Variants in SENP6 observed in about 807,000 individuals in gnomAD.
The protein encoded by SENP6 is sentrin-specific protease 6.
Under a neutral mutation model 134.5 loss-of-function variants are expected in SENP6, and 41 were observed. The ratio of observed to expected loss-of-function variants is 0.30; its 90% CI spans 0.24 to 0.40. The LOEUF (loss-of-function observed/expected upper bound fraction) is 0.40, where lower values mean the gene tolerates loss of function less well. Among genes scored for constraint, SENP6 ranks in the 10% least tolerant of loss-of-function variants. The pLI, the probability that SENP6 is intolerant of heterozygous loss-of-function variation, is 1.00. For synonymous variants in SENP6, 395 were observed against 429.8 expected, an observed-to-expected ratio of 0.92 and a Z score of 1.00; for missense variants, 1,248 against 1,312.5, an observed-to-expected ratio of 0.95 and a Z score of 0.76.
chr6:75,617,010 G>T (rs1034648402), intron 1 of SENP6, among the ~76,000 whole-genome samples: 2 of 151,784 alleles, frequency 1.3e-5, no homozygotes, highest in Non-Finnish European at 2.9e-5. Flanking sequence ...TGAGTAGCTG[G>T]TACTACAGGC....
chr6:75,633,429 A>G, intron 3 of SENP6, 152 bp from the exon 4 acceptor site: 2 of 589,192 alleles, frequency 3.4e-6, no homozygotes, highest in East Asian at 3.3e-5. Flanking sequence ...AAAAGTAGGC[A>G]GTTGAATTAT....
At chr6:75,700,147 G>A (rs901575429) in intron 18 of SENP6, among the ~76,000 whole-genome samples, 4 of 144,726 alleles carry the variant, frequency 2.8e-5, no homozygotes, top group African/African-American at 1.1e-4. Context: ...CTGGCCTCAA[G>A]CAGTTCCCCC....
intron 16 of SENP6, among the ~76,000 whole-genome samples, chr6:75,695,597 C>T (rs55940446): frequency 2.6e-5 from 4 of 152,106 alleles, no homozygotes; most frequent in South Asian, 2.1e-4. Flanking sequence ...ATTAGCTGGG[C>T]GTGGTGGTGT....
intron 7 of SENP6, among the ~76,000 whole-genome samples, chr6:75,654,106 C>T (rs1582776740): frequency 1.3e-5 from 2 of 152,086 alleles, no homozygotes; most frequent in African/African-American, 4.8e-5. Flanking sequence ...CACCTGTAGT[C>T]CCAGCTACTC....
intron 1 of SENP6, among the ~76,000 whole-genome samples, chr6:75,614,748 T>C (rs749000686): frequency 1.3e-5 from 2 of 152,160 alleles, no homozygotes; most frequent in Non-Finnish European, 2.9e-5. Context: ...GCACCAACAA[T>C]AGGACCTTCA....
At chr6:75,665,837 G>A (rs1237989990) in intron 9 of SENP6, among the ~76,000 whole-genome samples, 8 of 151,838 alleles carry the variant, frequency 5.3e-5, no homozygotes, top group African/African-American at 1.9e-4. Context: ...GACCAGCCTG[G>A]CCAACATGGA....
At chr6:75,676,841 C>A in intron 13 of SENP6, 189 bp from the exon 14 acceptor site, 1 of 486,592 alleles carries the variant, frequency 2.1e-6, no homozygotes, top group African/African-American at 1.9e-5. Flanking sequence ...ACTTAGGTGA[C>A]ATTGGCATGT....
intron 20 of SENP6, 75 bp downstream of exon 20, chr6:75,709,705 C>G (rs1283795357): frequency 3.9e-6 from 4 of 1,020,098 alleles, no homozygotes; most frequent in Admixed American, 3.7e-5. Context: ...CATGGTGGTG[C>G]ACACCTGTAG....
chr6:75,656,209 G>A (rs1386939354), intron 7 of SENP6, among the ~76,000 whole-genome samples: 1 of 34,164 alleles, frequency 2.9e-5, no homozygotes, highest in Non-Finnish European at 6.4e-5. Flanking sequence ...GCAAGACTCC[G>A]TCTCAAAAAA....
chr6:75,696,640 C>A (rs1340829366), intron 17 of SENP6, among the ~76,000 whole-genome samples: 4 of 152,128 alleles, frequency 2.6e-5, no homozygotes, highest in Non-Finnish European at 5.9e-5. Flanking sequence ...CTCCACCCAG[C>A]TAATTTTTGT....
chr6:75,651,264 A>T (rs968062163), intron 7 of SENP6, among the ~76,000 whole-genome samples: 1 of 151,996 alleles, frequency 6.6e-6, no homozygotes, highest in Non-Finnish European at 1.5e-5. Context: ...TTGTCCCTGA[A>T]TGTACATTTA....
chr6:75,638,893 A>G (rs77032378), intron 5 of SENP6, among the ~76,000 whole-genome samples: 4 of 151,710 alleles, frequency 2.6e-5, no homozygotes, highest in Non-Finnish European at 5.9e-5. Context: ...TCTTGTCTCC[A>G]TAAAAAATAC....
intron 18 of SENP6, among the ~76,000 whole-genome samples, chr6:75,700,073 C>T (rs1774927282): frequency 6.6e-6 from 1 of 152,020 alleles, no homozygotes; most frequent in African/African-American, 2.4e-5. Context: ...ACAGGCCCAG[C>T]TAATTTTTTA....
chr6:75,659,553 G>A, intron 8 of SENP6, 146 bp downstream of exon 8: 5 of 643,146 alleles, frequency 7.8e-6, no homozygotes, highest in Non-Finnish European at 1.3e-5. Context: ...TCTGCCTTCA[G>A]TAGACCATTT....
At chr6:75,628,681 T>C (rs1386911852) in intron 3 of SENP6, among the ~76,000 whole-genome samples, 1 of 152,318 alleles carries the variant, frequency 6.6e-6, no homozygotes, top group African/African-American at 2.4e-5. Flanking sequence ...ACATTCTAAA[T>C]AGATAAATAT....
chr6:75,638,620 ATATTTTTTTTT>A (rs1403012198), intron 5 of SENP6, among the ~76,000 whole-genome samples: 45 of 33,140 alleles, frequency 1.4e-3, no homozygotes, highest in African/African-American at 1.6e-3. Context: ...ATATATATAT[ATATTTTTTTTT>A]TTTTTTTTTT....
chr6:75,713,573 T>A lies in SENP6; in HGVS notation c.2970T>A (p.Ile990=). The change falls in exon 22 of 24, where the codon ATT becomes ATA. Residue 990 remains isoleucine, a synonymous_variant. Transcript: ENST00000447266. ...CTTCTCGGTCAAATGTTGTCAAAATTTTAAGAGAGTAAGTTCACACTTTAT... is the reference window on the plus strand; with the variant it reads ...CTTCTCGGTCAAATGTTGTCAAAATATTAAGAGAGTAAGTTCACACTTTAT... ...RGPSRSNVVK[I]LREYLEVEWE... The A allele has an allele frequency of 6.2e-7, 1 of 1,613,584 alleles. No homozygotes were observed. The highest frequency in any genetic ancestry group is 8.5e-7 in the Non-Finnish European group (1 of 1,179,602).
At chr6:75,647,115 T>C (rs1418529624) in intron 6 of SENP6, among the ~76,000 whole-genome samples, 2 of 152,206 alleles carry the variant, frequency 1.3e-5, no homozygotes, top group Non-Finnish European at 2.9e-5. Context: ...AAAGTAGCTA[T>C]TGTAGCTCCC....
chr6:75,708,293 A>G (rs1395849195), intron 19 of SENP6, among the ~76,000 whole-genome samples: 2 of 152,112 alleles, frequency 1.3e-5, no homozygotes, highest in Non-Finnish European at 2.9e-5. Context: ...ATATCTTTTC[A>G]GATTTTTTGC....
Sources: allele counts gnomAD v4.1 joint callset (sites outside exome capture counted in the v4.1 genomes callset), GRCh38; gene constraint gnomAD v4.1.1; transcripts MANE v1.5; gene names NCBI Gene and HGNC (gene_info 2026-07-23, HGNC 2026-07-21).